Variants in NOS1AP observed in about 807,000 individuals in gnomAD.
The protein encoded by NOS1AP is carboxyl-terminal PDZ ligand of neuronal nitric oxide synthase protein.
In NOS1AP, 21 loss-of-function variants were observed where a neutral mutation model predicts 56.2. The observed-to-expected ratio is 0.37, with a 90% CI of 0.26 to 0.54. The LOEUF (loss-of-function observed/expected upper bound fraction) is 0.54. NOS1AP is among the 20% of genes least tolerant of loss of function. NOS1AP has a pLI of 0.84. For missense variants in NOS1AP, 522 were observed against 657.8 expected (o/e 0.79, Z 2.26); for synonymous variants, 270 against 274.6 (o/e 0.98, Z 0.17).
chr1:162,141,130 T>A (rs749059361), intron 1 of NOS1AP, among the ~76,000 whole-genome samples: 2 of 152,214 alleles, frequency 1.3e-5, no homozygotes, highest in Non-Finnish European at 2.9e-5. Flanking sequence ...TTCTGTAATT[T>A]TTAAAAAAGG....
At chr1:162,234,919 A>G (rs1653237653) in intron 2 of NOS1AP, among the ~76,000 whole-genome samples, 1 of 152,208 alleles carries the variant, frequency 6.6e-6, no homozygotes, top group Admixed American at 6.5e-5. Flanking sequence ...CTGTTGAGGC[A>G]GAACCCTACT....
rs1194610764 is a variant in NOS1AP at position 162,069,704 on chromosome 1, C to G, written c.-474C>G. ...TGGGCCCGCCCCACAGGAGGAGCCG[C>G]TCGCTGGCGGCTGATCCAGCGTCTC... On this transcript the variant is annotated 5_prime_UTR_variant, in exon 1 of 10. Transcript: ENST00000361897. 6.6e-6 allele frequency: 1 copy of G among 152,638 alleles called. No individual in the cohort carries two copies. The highest frequency in any genetic ancestry group is 1.5e-5 in the Non-Finnish European group (1 of 68,008). The allele number at this position is 152,638 out of a possible 1,614,324, so 9.5% of individuals were successfully genotyped here. A position where few individuals can be genotyped will look rare whatever the true frequency, so the allele number is the denominator to read the frequency against.
intron 2 of NOS1AP, among the ~76,000 whole-genome samples, chr1:162,219,378 C>T (rs1467368279): frequency 6.6e-6 from 1 of 152,152 alleles, no homozygotes. Flanking sequence ...TTCCATCTTC[C>T]TTTCATCTCC....
At chr1:162,284,314 G>A (rs927976038) in intron 2 of NOS1AP, among the ~76,000 whole-genome samples, 1 of 152,150 alleles carries the variant, frequency 6.6e-6, no homozygotes, top group African/African-American at 2.4e-5. Context: ...ATAATTGCAA[G>A]TTAATTTTAA....
intron 4 of NOS1AP, among the ~76,000 whole-genome samples, chr1:162,309,342 G>A (rs1208109837): frequency 2.0e-5 from 3 of 152,194 alleles, no homozygotes; most frequent in Non-Finnish European, 2.9e-5. Context: ...ATGACAGAAT[G>A]TTAAAGACAA....
chr1:162,164,594 A>G (rs1650389136), intron 2 of NOS1AP, among the ~76,000 whole-genome samples: 1 of 152,218 alleles, frequency 6.6e-6, no homozygotes, highest in South Asian at 2.1e-4. Flanking sequence ...GAAACCTCAT[A>G]TAAGTGAAAT....
chr1:162,250,162 C>T (rs1191226308), intron 2 of NOS1AP, among the ~76,000 whole-genome samples: 1 of 152,178 alleles, frequency 6.6e-6, no homozygotes, highest in African/African-American at 2.4e-5. Flanking sequence ...AAAGGTTCCT[C>T]CCAGCTTCTA....
intron 1 of NOS1AP, among the ~76,000 whole-genome samples, chr1:162,081,774 A>ATATATTTTTTTTTTT: frequency 2.7e-3 from 121 of 44,034 alleles, no homozygotes; most frequent in African/African-American, 8.7e-3. Flanking sequence ...ATATATATAT[A>ATATATTTTTTTTTTT]TTTTTTTTTT....
chr1:162,212,700 C>T (rs1007059138), intron 2 of NOS1AP, among the ~76,000 whole-genome samples: 3 of 152,120 alleles, frequency 2.0e-5, no homozygotes, highest in African/African-American at 7.2e-5. Flanking sequence ...GGGGGTCTAG[C>T]TGTGGATGCA....
intron 1 of NOS1AP, among the ~76,000 whole-genome samples, chr1:162,134,841 A>G (rs1185109670): frequency 1.3e-5 from 2 of 152,178 alleles, no homozygotes; most frequent in East Asian, 1.9e-4. Flanking sequence ...GTGGCTGCAC[A>G]TGACTTAAGA....
At chr1:162,071,474 G>A (rs1003859276) in intron 1 of NOS1AP, among the ~76,000 whole-genome samples, 1 of 152,096 alleles carries the variant, frequency 6.6e-6, no homozygotes, top group South Asian at 2.1e-4. Flanking sequence ...TCTTTCTCAT[G>A]TATATGGGTG....
chr1:162,112,096 T>C (rs959886645), intron 1 of NOS1AP, among the ~76,000 whole-genome samples: 5 of 152,222 alleles, frequency 3.3e-5, no homozygotes, highest in African/African-American at 9.6e-5. Flanking sequence ...ATTATTTTTA[T>C]TGGTACCTTA....
intron 1 of NOS1AP, among the ~76,000 whole-genome samples, chr1:162,133,861 T>G (rs867257265): frequency 1.3e-5 from 2 of 152,342 alleles, no homozygotes; most frequent in Middle Eastern, 3.4e-3. Context: ...GTTATTATTT[T>G]TTGTGGCCTG....
At chr1:162,148,653 T>G (rs916330367) in intron 1 of NOS1AP, among the ~76,000 whole-genome samples, 34 of 152,288 alleles carry the variant, frequency 2.2e-4, no homozygotes, top group Non-Finnish European at 3.2e-4. Flanking sequence ...ATGCTGAGGA[T>G]TTTGATTGCC....
intron 1 of NOS1AP, among the ~76,000 whole-genome samples, chr1:162,100,593 C>T (rs957324253): frequency 2.2e-4 from 33 of 151,876 alleles, no homozygotes; most frequent in Non-Finnish European, 2.5e-4. Context: ...TGCCTGTTCA[C>T]TCTGATGGTA....
chr1:162,078,376 G>T (rs1691817540), intron 1 of NOS1AP, among the ~76,000 whole-genome samples: 1 of 152,108 alleles, frequency 6.6e-6, no homozygotes, highest in African/African-American at 2.4e-5. Context: ...AGTACCCCTT[G>T]TATTCTTTGA....
chr1:162,273,928 A>G (rs186555439), intron 2 of NOS1AP, among the ~76,000 whole-genome samples: 26 of 152,270 alleles, frequency 1.7e-4, no homozygotes, highest in Admixed American at 1.6e-3. Context: ...GTAGTATTCT[A>G]TTATATGGAT....
At chr1:162,318,078 C>T (rs950228911) in intron 4 of NOS1AP, among the ~76,000 whole-genome samples, 1 of 152,166 alleles carries the variant, frequency 6.6e-6, no homozygotes, top group Non-Finnish European at 1.5e-5. Context: ...GGACCCCAGG[C>T]GAGCTCCTCT....
intron 1 of NOS1AP, among the ~76,000 whole-genome samples, chr1:162,097,786 G>A: frequency 6.6e-6 from 1 of 152,156 alleles, no homozygotes; most frequent in East Asian, 1.9e-4. Context: ...GATCTAGCGG[G>A]ATGATTCCTA....
Sources: allele counts gnomAD v4.1 joint callset (sites outside exome capture counted in the v4.1 genomes callset), GRCh38; gene constraint gnomAD v4.1.1; transcripts MANE v1.5; gene names NCBI Gene and HGNC (gene_info 2026-07-23, HGNC 2026-07-21).